ZNF664: variants seen among roughly 807,000 people sequenced by gnomAD.
The protein encoded by ZNF664 is zinc finger protein 664, also known as zinc finger Organ of Corti 1.
In ZNF664, 10 loss-of-function variants were observed where a neutral mutation model predicts 18.2. That is an observed-to-expected ratio of 0.55 (90% CI 0.34 to 0.93). ZNF664 has a LOEUF of 0.93. ZNF664 is among the 40% of genes least tolerant of loss of function. The pLI is 0.02. For missense variants in ZNF664, 193 were observed against 319.0 expected, an observed-to-expected ratio of 0.61 and a Z score of 3.01; for synonymous variants, 119 against 104.2, an observed-to-expected ratio of 1.14 and a Z score of -0.86.
chr12:123,979,721 T>A (rs1421242314), intron 2 of ZNF664, among the ~76,000 whole-genome samples: 3 of 152,146 alleles, frequency 2.0e-5, no homozygotes, highest in African/African-American at 7.2e-5. Context: ...CTCTGTTGCC[T>A]AGGCTGGAGT....
chr12:124,009,759 T>C (rs971100076), intron 3 of ZNF664, among the ~76,000 whole-genome samples: 7 of 152,134 alleles, frequency 4.6e-5, no homozygotes, highest in African/African-American at 9.7e-5. Context: ...CAAGTGATCC[T>C]CCCACCTCGG....
chr12:123,993,245 G>A (rs1257666794), intron 3 of ZNF664, among the ~76,000 whole-genome samples: 1 of 152,156 alleles, frequency 6.6e-6, no homozygotes, highest in Non-Finnish European at 1.5e-5. Context: ...GCACATGCAG[G>A]CACTGTAATG....
At chr12:124,004,295 C>G (rs1957045624) in intron 3 of ZNF664, among the ~76,000 whole-genome samples, 1 of 152,138 alleles carries the variant, frequency 6.6e-6, no homozygotes, top group Non-Finnish European at 1.5e-5. Flanking sequence ...GAAGTAAAGA[C>G]AAACAGGGCC....
In ZNF664 at chr12:124,012,414, C is replaced by A. The variant is rs200835492; in HGVS notation, c.270C>A (p.Tyr90Ter). The change falls in exon 5 of 5, where the codon TAC becomes TAA. Residue 90 changes from tyrosine to a stop codon, truncating the protein, a stop_gained. Coordinates refer to ENST00000337815, the MANE Select transcript of ZNF664 (RefSeq NM_152437.3). LOFTEE classifies it high-confidence loss of function. ...CAGTGGAGAAGCCCTATAAATGTTA[C>A]GAGTGTGGCAAAGCCTTCAATTGGA... ...IHTVEKPYKCYECGKAFNWSS... is the reference protein window; with the variant it reads ...IHTVEKPYKC 6.2e-7 allele frequency: 1 copy of A among 1,614,160 alleles called. No homozygotes were observed. Among genetic ancestry groups the A allele is most frequent in the Non-Finnish European group, 8.5e-7 (1 of 1,180,032 alleles).
At chr12:123,976,720 G>C (rs1298901114) in intron 2 of ZNF664, among the ~76,000 whole-genome samples, 9 of 151,914 alleles carry the variant, frequency 5.9e-5, no homozygotes, top group Admixed American at 1.3e-4. Flanking sequence ...AGAGACGTGA[G>C]CTTTCCCTTG....
chr12:124,007,933 A>G (rs1957092282), intron 3 of ZNF664, among the ~76,000 whole-genome samples: 1 of 152,184 alleles, frequency 6.6e-6, no homozygotes, highest in African/African-American at 2.4e-5. Context: ...CTAAGGCTGT[A>G]GACATTGGTT....
At chr12:123,989,825 C>T (rs995901537) in intron 3 of ZNF664, among the ~76,000 whole-genome samples, 4 of 152,180 alleles carry the variant, frequency 2.6e-5, no homozygotes, top group African/African-American at 9.7e-5. Context: ...GTGACCATTC[C>T]CTGGCCCTCT....
At chr12:124,002,908 G>A (rs1002047691) in intron 3 of ZNF664, among the ~76,000 whole-genome samples, 1 of 152,122 alleles carries the variant, frequency 6.6e-6, no homozygotes, top group African/African-American at 2.4e-5. Flanking sequence ...TCCCAAGCAG[G>A]AGCCCTGAAG....
At chr12:124,005,482 A>AGTGTGTGTGTGTGT (rs751514633) in intron 3 of ZNF664, among the ~76,000 whole-genome samples, 3 of 91,830 alleles carry the variant, frequency 3.3e-5, no homozygotes, top group East Asian at 2.4e-4. Flanking sequence ...TAATTTATAG[A>AGTGTGTGTGTGTGT]ATGTGTGTGT....
chr12:124,012,420 T>A lies in ZNF664; in HGVS notation c.276T>A (p.Cys92Ter), dbSNP rs768819866. The change falls in exon 5 of 5, where the codon TGT (cysteine) becomes TGA (stop). Residue 92 changes from cysteine (C) to a stop codon, truncating the protein, a stop_gained. Coordinates refer to ENST00000337815, the MANE Select transcript of ZNF664 (RefSeq NM_152437.3). LOFTEE classifies it high-confidence loss of function. ...AGAAGCCCTATAAATGTTACGAGTG[T>A]GGCAAAGCCTTCAATTGGAGCTCCC... is the stretch of plus-strand genomic sequence containing the variant. Reference protein sequence around the residue: ...TVEKPYKCYECGKAFNWSSHL... With the variant: ...TVEKPYKCYE 1 of 1,614,236 alleles carries A rather than the reference T, an allele frequency of 6.2e-7. No homozygotes were observed. Among genetic ancestry groups the A allele is most frequent in the Non-Finnish European group, 8.5e-7 (1 of 1,180,046 alleles).
intron 3 of ZNF664, among the ~76,000 whole-genome samples, chr12:123,996,628 G>C (rs1032191834): frequency 5.3e-5 from 8 of 152,142 alleles, no homozygotes; most frequent in Admixed American, 2.0e-4. Context: ...CCCAAGGAGA[G>C]CAGGCAGGAA....
At chr12:123,998,329 T>C (rs1252275695) in intron 3 of ZNF664, 1 of 152,180 alleles carries the variant, frequency 6.6e-6, no homozygotes, top group African/African-American at 2.4e-5. Context: ...TGTAAGTCTC[T>C]GTTGGTCTTT....
intron 3 of ZNF664, among the ~76,000 whole-genome samples, chr12:123,992,531 GGGAAGTTGTTCCTAGTATCAC>G (rs1425926453): frequency 6.6e-6 from 1 of 152,128 alleles, no homozygotes; most frequent in Non-Finnish European, 1.5e-5. Context: ...AGAACCCTTG[GGGAAGTTGTTCCTAGTATCAC>G]AGAGGCTGTA....
intron 3 of ZNF664, among the ~76,000 whole-genome samples, chr12:124,003,126 C>T (rs1013258661): frequency 6.6e-6 from 1 of 152,140 alleles, no homozygotes; most frequent in Non-Finnish European, 1.5e-5. Flanking sequence ...AGGGGTGGGG[C>T]TGTGGTATCC....
chr12:123,981,923 T>C (rs1486911330), intron 2 of ZNF664, among the ~76,000 whole-genome samples: 2 of 152,238 alleles, frequency 1.3e-5, no homozygotes, highest in Non-Finnish European at 2.9e-5. Flanking sequence ...ACTGGACCAT[T>C]GATATTTTTC....
At chr12:123,979,783 G>C (rs1456889920) in intron 2 of ZNF664, among the ~76,000 whole-genome samples, 1 of 152,014 alleles carries the variant, frequency 6.6e-6, no homozygotes, top group Non-Finnish European at 1.5e-5. Context: ...GGGCTCAAGT[G>C]ATCTGCCTCA....
chr12:123,978,799 A>G (rs1956725987), intron 2 of ZNF664, among the ~76,000 whole-genome samples: 1 of 152,236 alleles, frequency 6.6e-6, no homozygotes, highest in Non-Finnish European at 1.5e-5. Flanking sequence ...AATGGTGAAC[A>G]CAAGAATAGA....
At chr12:124,004,490 C>T (rs1049226852) in intron 3 of ZNF664, among the ~76,000 whole-genome samples, 1 of 152,180 alleles carries the variant, frequency 6.6e-6, no homozygotes, top group South Asian at 2.1e-4. Context: ...TCAGTGGAGG[C>T]GGAGGCAATG....
At chr12:124,005,482 AATGTGTGTGTGTGT>A (rs1462683383) in intron 3 of ZNF664, among the ~76,000 whole-genome samples, 2 of 91,832 alleles carry the variant, frequency 2.2e-5, no homozygotes, top group East Asian at 2.4e-4. Context: ...TAATTTATAG[AATGTGTGTGTGTGT>A]GTGTGTGTGT....
Sources: allele counts gnomAD v4.1 joint callset (sites outside exome capture counted in the v4.1 genomes callset), GRCh38; gene constraint gnomAD v4.1.1; transcripts MANE v1.5; gene names NCBI Gene and HGNC (gene_info 2026-07-23, HGNC 2026-07-21).